CNOT4: variants seen among roughly 807,000 people sequenced by gnomAD.
The protein encoded by CNOT4 is CCR4-associated factor 4.
Under a neutral mutation model 73.8 loss-of-function variants are expected in CNOT4, and 8 were observed. The observed-to-expected ratio is 0.11, with a 90% CI of 0.06 to 0.20. The LOEUF (loss-of-function observed/expected upper bound fraction) is 0.20. Ranked by LOEUF, CNOT4 falls within the 10% of genes least tolerant of loss-of-function variation. The pLI is 1.00. For synonymous variants in CNOT4, 293 were observed against 321.1 expected (o/e 0.91, Z 0.94); for missense variants, 564 against 883.4 (o/e 0.64, Z 4.58).
intron 1 of CNOT4, among the ~76,000 whole-genome samples, chr7:135,463,552 A>G (rs1010231842): frequency 6.9e-5 from 3 of 43,282 alleles, no homozygotes; most frequent in Admixed American, 3.2e-4. Flanking sequence ...CCCAAAAAAA[A>G]AAAAAAAAAC....
At chr7:135,430,664 C>T (rs1192121621) in intron 2 of CNOT4, among the ~76,000 whole-genome samples, 1 of 151,962 alleles carries the variant, frequency 6.6e-6, no homozygotes, top group Non-Finnish European at 1.5e-5. Flanking sequence ...AACCAAAAAA[C>T]ATAAATTACT....
Position 135,394,310 on chromosome 7 carries a change from C to T in CNOT4, c.1235G>A (p.Arg412Gln), listed in dbSNP as rs376005439. 5.1e-5 allele frequency: 83 copies of T among 1,613,992 alleles called. No homozygotes were observed. The highest frequency in any genetic ancestry group is 6.6e-5 in the Non-Finnish European group (78 of 1,180,020). The change falls in exon 10 of 12, where the codon CGA (arginine) becomes CAA (glutamine). Residue 412 changes from arginine (R) to glutamine (Q), a missense_variant. Coordinates refer to ENST00000541284, the MANE Select transcript of CNOT4 (RefSeq NM_001190850.2). Reference protein sequence around the residue: ...DLGFDPFDVTRKALADLIEKE... With the variant: ...DLGFDPFDVTQKALADLIEKE... ...CTCAATCAGGTCTGCTAAGGCTTTT[C>T]GAGTGACATCGAAGGGATCAAAACC...
intron 1 of CNOT4, among the ~76,000 whole-genome samples, chr7:135,443,127 G>T (rs1003057545): frequency 4.0e-5 from 6 of 151,488 alleles, no homozygotes; most frequent in Admixed American, 3.9e-4. Context: ...AAGGCAGATG[G>T]ATCTCTTGAG....
chr7:135,460,143 T>C (rs1381753960), intron 1 of CNOT4, among the ~76,000 whole-genome samples: 1 of 152,250 alleles, frequency 6.6e-6, no homozygotes, highest in Non-Finnish European at 1.5e-5. Context: ...AAGGAAATTA[T>C]GTGACTGGTT....
At chr7:135,388,600 T>A in intron 10 of CNOT4, 1 of 1,186,764 alleles carries the variant, frequency 8.4e-7, no homozygotes, top group Middle Eastern at 2.3e-4. Context: ...ATTACACTAA[T>A]AAATTATGTT....
At chr7:135,396,368 C>T (rs1295382039) in intron 8 of CNOT4, among the ~76,000 whole-genome samples, 4 of 152,120 alleles carry the variant, frequency 2.6e-5, no homozygotes, top group South Asian at 2.1e-4. Flanking sequence ...CCACCCGCCT[C>T]GGCCTCCCAA....
At chr7:135,451,404 A>G (rs1450662339) in intron 1 of CNOT4, among the ~76,000 whole-genome samples, 1 of 152,046 alleles carries the variant, frequency 6.6e-6, no homozygotes, top group African/African-American at 2.4e-5. Flanking sequence ...AGCAATTCTC[A>G]TCCCTCAGAT....
rs145644784 is a variant in CNOT4, at chr7:135,410,653, C to G, written c.688-5G>C. 1.3e-6 allele frequency: 2 copies of G among 1,566,344 alleles called. No individual in the cohort carries two copies. The highest frequency in any genetic ancestry group is 8.6e-7 in the Non-Finnish European group (1 of 1,160,068). ...ATATTCTTGGTGTTTACCCGCCTAA[C>G]GAAAGAAGAAATTAAAACTGCAGTG... On this transcript the variant is annotated splice_polypyrimidine_tract_variant and splice_region_variant and intron_variant, in intron 6 of 11. Coordinates refer to ENST00000541284, the MANE Select transcript of CNOT4 (RefSeq NM_001190850.2).
chr7:135,388,548 G>A (rs1288891529), intron 10 of CNOT4: 15 of 1,077,068 alleles, frequency 1.4e-5, no homozygotes, highest in South Asian at 8.6e-5. Flanking sequence ...TTATTTTTAT[G>A]AGTTAGAAAT....
intron 7 of CNOT4, among the ~76,000 whole-genome samples, chr7:135,406,403 T>TAA (rs1360085182): frequency 6.8e-6 from 1 of 147,494 alleles, no homozygotes; most frequent in African/African-American, 2.5e-5. Context: ...CTCATACCTA[T>TAA]AATCCCAGCT....
At chr7:135,432,913 T>A (rs1447217871) in intron 2 of CNOT4, among the ~76,000 whole-genome samples, 1 of 152,226 alleles carries the variant, frequency 6.6e-6, no homozygotes, top group African/African-American at 2.4e-5. Context: ...GTCTTTTACA[T>A]GCGATCTGCT....
At chr7:135,442,189 C>T (rs1585648808) in intron 1 of CNOT4, among the ~76,000 whole-genome samples, 1 of 152,320 alleles carries the variant, frequency 6.6e-6, no homozygotes, top group Admixed American at 6.5e-5. Context: ...TATAGTACCC[C>T]TCTGAACTAA....
chr7:135,409,398 C>T (rs917910819), intron 7 of CNOT4, among the ~76,000 whole-genome samples: 15 of 152,024 alleles, frequency 9.9e-5, no homozygotes, highest in Non-Finnish European at 1.3e-4. Context: ...CTTTATGTTT[C>T]GCTTTGTGGC....
Position 135,361,865 on chromosome 7 carries a change from G to A in CNOT4, c.*1020C>T, listed in dbSNP as rs1794666260. The A allele has an allele frequency of 6.6e-6, 1 of 152,600 alleles. No homozygotes were observed. The highest frequency in any genetic ancestry group is 2.1e-4 in the South Asian group (1 of 4,828). The allele number at this position is 152,600 out of a possible 1,614,324, so 9.5% of individuals were successfully genotyped here. ...TCTGAAGAAAGAGGTACATTTCCTT[G>A]TTTTTAGTTTTAGCGTCAGGTTATA... On this transcript the variant is annotated 3_prime_UTR_variant, in exon 12 of 12. Transcript: ENST00000541284.
chr7:135,505,547 G>A (rs1382541252), intron 1 of CNOT4, among the ~76,000 whole-genome samples: 1 of 152,042 alleles, frequency 6.6e-6, no homozygotes, highest in Non-Finnish European at 1.5e-5. Flanking sequence ...GCGAGACTCC[G>A]TCTTGGGGAG....
chr7:135,367,302 C>T (rs184876419), intron 10 of CNOT4, among the ~76,000 whole-genome samples: 1 of 152,258 alleles, frequency 6.6e-6, no homozygotes, highest in East Asian at 1.9e-4. Context: ...ACTGACTCAA[C>T]CTGATGCAAG....
chr7:135,362,835 AAAAC>A lies in CNOT4; in HGVS notation c.*46_*49del. Reference sequence around the variant, plus strand: ...CTGTGGGTGGTGGGCTGAGAGGGAGAAAACAGAGTGGGACAAATCCTGCATTTTC... The same window carrying A: ...CTGTGGGTGGTGGGCTGAGAGGGAGAAGAGTGGGACAAATCCTGCATTTTC... On this transcript the variant is annotated 3_prime_UTR_variant, in exon 12 of 12. Transcript: ENST00000541284. 3.3e-6 allele frequency: 5 copies of A among 1,522,338 alleles called. No individual in the cohort carries two copies. The highest frequency in any genetic ancestry group is 4.6e-6 in the Non-Finnish European group (5 of 1,096,372). 94.3% of individuals were successfully genotyped at this position (1,522,338 alleles called of 1,614,324 possible).
At chr7:135,387,696 C>G in intron 10 of CNOT4, 3 of 984,984 alleles carry the variant, frequency 3.0e-6, no homozygotes, top group Non-Finnish European at 3.6e-6. Flanking sequence ...GTCCACTGCT[C>G]CAAACTAAGT....
At chr7:135,435,938 G>C (rs1166733179) in intron 2 of CNOT4, among the ~76,000 whole-genome samples, 2 of 140,552 alleles carry the variant, frequency 1.4e-5, no homozygotes, top group Non-Finnish European at 3.1e-5. Flanking sequence ...AAAGGGGGTA[G>C]GCCTATAAGG....
Sources: allele counts gnomAD v4.1 joint callset (sites outside exome capture counted in the v4.1 genomes callset), GRCh38; gene constraint gnomAD v4.1.1; transcripts MANE v1.5; gene names NCBI Gene and HGNC (gene_info 2026-07-23, HGNC 2026-07-21).